RSPO4: variants seen among roughly 807,000 people sequenced by gnomAD.
RSPO4 encodes R-spondin 4.
A neutral mutation model predicts 24.8 loss-of-function variants in RSPO4; 23 were observed. That is an observed-to-expected ratio of 0.93 (90% CI 0.67 to 1.31). The LOEUF is 1.31. RSPO4 is among the 40% of genes most tolerant of loss of function. The pLI is 0.00. For synonymous variants in RSPO4, 141 were observed against 127.4 expected (o/e 1.11, Z -0.72); for missense variants, 333 against 316.5 (o/e 1.05, Z -0.39).
intron 1 of RSPO4, among the ~76,000 whole-genome samples, chr20:1,000,432 ATACT>A (rs1985425889): frequency 6.6e-6 from 1 of 152,208 alleles, no homozygotes; most frequent in South Asian, 2.1e-4. Flanking sequence ...AGAATGATTA[ATACT>A]TACGAGCACC....
At chr20:990,397 G>T (rs1282232993) in intron 1 of RSPO4, among the ~76,000 whole-genome samples, 1 of 152,108 alleles carries the variant, frequency 6.6e-6, no homozygotes, top group Non-Finnish European at 1.5e-5. Context: ...AGTCAAAAAA[G>T]CTGGCTTTGC....
At chr20:986,438 A>G (rs763135087) in intron 1 of RSPO4, among the ~76,000 whole-genome samples, 3 of 152,134 alleles carry the variant, frequency 2.0e-5, no homozygotes, top group Non-Finnish European at 4.4e-5. Flanking sequence ...AGACAGCATG[A>G]CATATCTCCC....
At position 970,306 on chromosome 20, in the gene RSPO4, G is replaced by A. The variant is rs137918196; in HGVS notation, c.80-2168C>T. Among the ~76,000 whole-genome samples, 7 of 152,104 alleles carry A rather than the reference G, an allele frequency of 4.6e-5. No homozygotes were observed. Among genetic ancestry groups the A allele is most frequent in the African/African-American group, 1.4e-4 (6 of 41,490 alleles). On this transcript the variant is annotated intron_variant, in intron 1 of 4. Coordinates refer to ENST00000217260, the MANE Select transcript of RSPO4 (RefSeq NM_001029871.4). The surrounding 1 kb of genome is among the most constrained non-coding windows in gnomAD (Gnocchi z 4.1). ...TTCCTTCCTCCCTGCTCCAGCTCTC[G>A]GATGAGTACTGCTACTTCCCCAGTC...
chr20:1,001,379 C>A (rs1021544273), intron 1 of RSPO4, among the ~76,000 whole-genome samples: 3 of 152,194 alleles, frequency 2.0e-5, no homozygotes, highest in African/African-American at 7.2e-5. Flanking sequence ...ACTCTCACAG[C>A]GAGGCTGTGG....
chr20:987,476 C>T (rs1175001067), intron 1 of RSPO4, among the ~76,000 whole-genome samples: 1 of 152,088 alleles, frequency 6.6e-6, no homozygotes, highest in East Asian at 1.9e-4. Flanking sequence ...TACTTAACCT[C>T]AGTTTGCTCA....
At chr20:1,001,411 C>T (rs765308696) in intron 1 of RSPO4, among the ~76,000 whole-genome samples, 5 of 152,200 alleles carry the variant, frequency 3.3e-5, no homozygotes, top group Non-Finnish European at 5.9e-5. Flanking sequence ...CAGGTGAGAG[C>T]GCATGCGGCC....
At chr20:988,403 G>A (rs558620417) in intron 1 of RSPO4, among the ~76,000 whole-genome samples, 11 of 152,298 alleles carry the variant, frequency 7.2e-5, no homozygotes, top group Admixed American at 2.0e-4. Flanking sequence ...TGGCCTGGAC[G>A]AGGCTGGCAG....
chr20:962,698 G>A (rs1226715205), intron 4 of RSPO4, among the ~76,000 whole-genome samples: 1 of 152,196 alleles, frequency 6.6e-6, no homozygotes, highest in Non-Finnish European at 1.5e-5. Context: ...TTCTGAAAGA[G>A]GAGTGTCCCT....
In RSPO4 at chr20:964,030, A is replaced by AC. The variant is rs766345914; in HGVS notation, c.499dup (p.Val167GlyfsTer10). ...ATGCCCAGCCCGGCCAGCCTCTCGT[A>AC]CCCGGCTCTCCAGGCCCCAAGCCGA... On this transcript the variant is annotated frameshift_variant, in exon 4 of 5. Transcript: ENST00000217260. LOFTEE classifies it high-confidence loss of function. The AC allele has an allele frequency of 6.2e-7, 1 of 1,613,308 alleles. No homozygotes were observed. Among genetic ancestry groups the AC allele is most frequent in the Non-Finnish European group, 8.5e-7 (1 of 1,179,952 alleles).
chr20:964,008 C>T lies in RSPO4; in HGVS notation c.522G>A (p.Gly174=). The change falls in exon 4 of 5, where the codon GGG becomes GGA. Residue 174 remains glycine (G), a synonymous_variant. Coordinates refer to ENST00000217260, the MANE Select transcript of RSPO4 (RefSeq NM_001029871.4). ...CCTGGCAGGTGGCTGCCTCCTCATG[C>T]CCAGCCCGGCCAGCCTCTCGTACCC... is the stretch of plus-strand genomic sequence containing the variant. The part of the protein sequence containing the change: ...ESRVREAGRA[G]HEEAATCQVL... 1 of 1,613,856 alleles carries T rather than the reference C, an allele frequency of 6.2e-7. No individual in the cohort carries two copies. The highest frequency in any genetic ancestry group is 1.1e-5 in the South Asian group (1 of 91,074).
Position 967,202 on chromosome 20 carries a change from C to T in RSPO4, c.381G>A (p.Leu127=). 1 of 1,614,070 alleles carries T rather than the reference C, an allele frequency of 6.2e-7. No individual in the cohort carries two copies. Among genetic ancestry groups the T allele is most frequent in the African/African-American group, 1.3e-5 (1 of 75,064 alleles). The change falls in exon 3 of 5, where the codon TTG becomes TTA. Residue 127 remains leucine (L), a synonymous_variant. Coordinates refer to ENST00000217260, the MANE Select transcript of RSPO4 (RefSeq NM_001029871.4). ...GGCACTCCCGTGTGTTCTGGTGGGC[C>T]AAAGTGCCCGGCGGGCAGGTGGGCA... The part of the protein sequence containing the change: ...KCLPTCPPGT[L]AHQNTRECQG...
At chr20:973,843 G>A (rs1249307402) in intron 1 of RSPO4, among the ~76,000 whole-genome samples, 1 of 152,114 alleles carries the variant, frequency 6.6e-6, no homozygotes, top group Non-Finnish European at 1.5e-5. Context: ...CCTGGTCTTT[G>A]AAGGGTAGTG....
intron 1 of RSPO4, among the ~76,000 whole-genome samples, chr20:992,263 CTTTTTTTTTTT>C (rs35286852): frequency 8.1e-6 from 1 of 123,502 alleles, no homozygotes; most frequent in South Asian, 2.6e-4. Flanking sequence ...GGTCCACTTT[CTTTTTTTTTTT>C]TTTTTTTTTG....
chr20:972,980 G>A (rs935608805), intron 1 of RSPO4, among the ~76,000 whole-genome samples: 2 of 152,244 alleles, frequency 1.3e-5, no homozygotes, highest in Non-Finnish European at 2.9e-5. Flanking sequence ...TGTGGACACA[G>A]ACTCACACCC....
rs576781469 is a variant in RSPO4 at position 970,301 on chromosome 20, C to T, written c.80-2163G>A. On this transcript the variant is annotated intron_variant, in intron 1 of 4. Coordinates refer to ENST00000217260, the MANE Select transcript of RSPO4 (RefSeq NM_001029871.4). This position sits in a 1 kb window ranked among gnomAD's most constrained non-coding sequence, Gnocchi z 4.1. ...CTCTGTTCCTTCCTCCCTGCTCCAG[C>T]TCTCGGATGAGTACTGCTACTTCCC... 3.9e-5 allele frequency among the ~76,000 whole-genome samples: 6 copies of T among 152,250 alleles called. No individual in the cohort carries two copies. The South Asian group carries it at 1.2e-3, about 32-fold the overall frequency.
rs1042366534 is a variant in RSPO4, at chr20:970,225, T to A, written c.80-2087A>T. Among the ~76,000 whole-genome samples the A allele has an allele frequency of 6.6e-6, 1 of 152,128 alleles. No individual in the cohort carries two copies. Among genetic ancestry groups the A allele is most frequent in the East Asian group, 1.9e-4 (1 of 5,168 alleles). ...TTCATGGTGGAGGCAGGGCAGGCTC[T>A]CTGCCCAGCCCTGGCTGAGGCCTTT... On this transcript the variant is annotated intron_variant, in intron 1 of 4. Transcript: ENST00000217260. This position sits in a 1 kb window ranked among gnomAD's most constrained non-coding sequence, Gnocchi z 4.1.
Position 981,207 on chromosome 20 carries a change from C to G in RSPO4, c.80-13069G>C, listed in dbSNP as rs6108258. Among the ~76,000 whole-genome samples the G allele has an allele frequency of 0.15, 22,065 of 152,032 alleles. 3,745 individuals are homozygous for G. The highest frequency in any genetic ancestry group is 0.42 in the African/African-American group (17,300 of 41,430). On this transcript the variant is annotated intron_variant, in intron 1 of 4. Coordinates refer to ENST00000217260, the MANE Select transcript of RSPO4 (RefSeq NM_001029871.4). This position sits in a 1 kb window ranked among gnomAD's most constrained non-coding sequence, Gnocchi z 4.6. ...TGTTGGTCTGATGATGAACGTGGAG[C>G]GGGAAAATGGGAGTGATACTCAAAA...
At chr20:999,902 T>G (rs1985409386) in intron 1 of RSPO4, among the ~76,000 whole-genome samples, 1 of 152,142 alleles carries the variant, frequency 6.6e-6, no homozygotes, top group South Asian at 2.1e-4. Flanking sequence ...AGAGTCTCAC[T>G]CTGACACCCA....
chr20:985,936 A>G lies in RSPO4; in HGVS notation c.79+16150T>C, dbSNP rs925323507. Among the ~76,000 whole-genome samples, 14 of 152,366 alleles carry G rather than the reference A, an allele frequency of 9.2e-5. No homozygotes were observed. In the East Asian group the frequency reaches 2.5e-3, roughly 27 times the overall value. ...CCCTGTGTCCATTGGGAGTGAGTGGAGAATGAATGAGAAATGCAAAAGGGG... is the reference window on the plus strand; with the variant it reads ...CCCTGTGTCCATTGGGAGTGAGTGGGGAATGAATGAGAAATGCAAAAGGGG... On this transcript the variant is annotated intron_variant, in intron 1 of 4. Coordinates refer to ENST00000217260, the MANE Select transcript of RSPO4 (RefSeq NM_001029871.4).
Sources: gnomAD v4.1 joint callset for allele counts (sites outside exome capture counted in the v4.1 genomes callset) on GRCh38, gnomAD v4.1.1 for gene constraint, Gnocchi (gnomAD v3.1) non-coding constraint, MANE v1.5 for transcripts, NCBI Gene and HGNC (gene_info 2026-07-23, HGNC 2026-07-21) for gene names.